The following XKR6 variants were observed in gnomAD, a reference collection of about 807,000 sequenced individuals.
XKR6 encodes XK-related protein 6.
XKR6 carries 22 observed loss-of-function variants against 56.7 expected under a neutral mutation model. The ratio of observed to expected loss-of-function variants is 0.39; its 90% confidence interval spans 0.28 to 0.55. The LOEUF is 0.55. Among genes scored for constraint, XKR6 ranks in the 20% least tolerant of loss-of-function variants. XKR6 has a pLI of 0.66. For synonymous variants in XKR6, 524 were observed against 387.8 expected, an observed-to-expected ratio of 1.35 and a Z score of -4.13; for missense variants, 852 against 889.0, an observed-to-expected ratio of 0.96 and a Z score of 0.53.
intron 1 of XKR6, among the ~76,000 whole-genome samples, chr8:11,099,769 C>A (rs761926838): frequency 2.6e-5 from 4 of 152,106 alleles, no homozygotes; most frequent in Non-Finnish European, 4.4e-5. Flanking sequence ...ATATATTTAG[C>A]GGAGGAGACA....
intron 1 of XKR6, among the ~76,000 whole-genome samples, chr8:11,107,018 C>G (rs954640013): frequency 6.6e-6 from 1 of 152,006 alleles, no homozygotes; most frequent in African/African-American, 2.4e-5. Flanking sequence ...AACTGAAAAC[C>G]TCCCATCCCC....
intron 1 of XKR6, chr8:11,107,993 T>G (rs1798745632): frequency 3.7e-5 from 12 of 320,906 alleles, no homozygotes; most frequent in South Asian, 3.1e-4. Flanking sequence ...ATATTAGAGT[T>G]TCTTCAGGCT....
intron 1 of XKR6, among the ~76,000 whole-genome samples, chr8:10,967,160 T>C (rs1406587080): frequency 2.0e-5 from 3 of 152,216 alleles, no homozygotes; most frequent in Non-Finnish European, 4.4e-5. Flanking sequence ...CTCCTGCCCA[T>C]ACTCACTGGC....
At chr8:10,936,162 C>T (rs978918705) in intron 1 of XKR6, among the ~76,000 whole-genome samples, 16 of 149,196 alleles carry the variant, frequency 1.1e-4, no homozygotes. Context: ...TAATGGCCTT[C>T]TTTGTCTCTT....
intron 1 of XKR6, among the ~76,000 whole-genome samples, chr8:11,076,661 C>T (rs766590599): frequency 3.9e-5 from 6 of 152,150 alleles, no homozygotes; most frequent in African/African-American, 9.7e-5. Flanking sequence ...GGGCAGGCCC[C>T]GAAGAAAGCC....
chr8:11,165,653 T>TA (rs1416313484), intron 1 of XKR6, among the ~76,000 whole-genome samples: 12 of 152,188 alleles, frequency 7.9e-5, no homozygotes, highest in African/African-American at 2.9e-4. Context: ...TATTAACTCT[T>TA]AGACTGTACT....
In XKR6 at chr8:10,956,926, A is replaced by C. The variant is rs989736034; in HGVS notation, c.765-32096T>G. Among the ~76,000 whole-genome samples, 19 of 152,244 alleles carry C rather than the reference A, an allele frequency of 1.2e-4. 1 individual carries two copies. Among genetic ancestry groups the C allele is most frequent in the African/African-American group, 4.6e-4 (19 of 41,550 alleles). On this transcript the variant is annotated intron_variant, in intron 1 of 2. Transcript: ENST00000416569. The stretch of plus-strand genomic sequence containing the variant: ...CCTGGCACCTTGCTTTTCTTACCCT[A>C]GTCCTGGCCTTGTCCATAACTCAGT...
intron 1 of XKR6, among the ~76,000 whole-genome samples, chr8:11,191,054 A>G (rs1803547330): frequency 6.6e-6 from 1 of 152,168 alleles, no homozygotes; most frequent in Non-Finnish European, 1.5e-5. Flanking sequence ...TCCAACAACT[A>G]AACTAGGACA....
chr8:10,905,031 C>T (rs911174705), intron 2 of XKR6, among the ~76,000 whole-genome samples: 16 of 152,142 alleles, frequency 1.1e-4, no homozygotes, highest in African/African-American at 3.4e-4. Context: ...TCCCCAGATC[C>T]CAGCTTCCTG....
chr8:11,038,588 G>C (rs1475580581), intron 1 of XKR6, among the ~76,000 whole-genome samples: 1 of 151,614 alleles, frequency 6.6e-6, no homozygotes, highest in Non-Finnish European at 1.5e-5. Flanking sequence ...AGGCTGGAGT[G>C]CAGTTGTATG....
At chr8:11,160,922 A>G (rs988376944) in intron 1 of XKR6, among the ~76,000 whole-genome samples, 1 of 151,256 alleles carries the variant, frequency 6.6e-6, no homozygotes, top group East Asian at 1.9e-4. Context: ...AAAAAAAAAA[A>G]AAAAAAAAAG....
chr8:11,108,781 C>G (rs1459348485), intron 1 of XKR6: 1 of 171,098 alleles, frequency 5.8e-6, no homozygotes, highest in Non-Finnish European at 1.2e-5. Flanking sequence ...AAAATGAAGA[C>G]GATCTTCTGG....
At chr8:11,073,337 T>C (rs1169422630) in intron 1 of XKR6, among the ~76,000 whole-genome samples, 1 of 152,098 alleles carries the variant, frequency 6.6e-6, no homozygotes, top group Non-Finnish European at 1.5e-5. Context: ...AGGAACTACA[T>C]TGGGTCTTTG....
At chr8:11,088,286 T>C (rs1399218945) in intron 1 of XKR6, among the ~76,000 whole-genome samples, 1 of 152,222 alleles carries the variant, frequency 6.6e-6, no homozygotes, top group Admixed American at 6.5e-5. Context: ...AAACCCAATC[T>C]GACATAAAAT....
At chr8:10,965,542 A>G (rs145358560) in intron 1 of XKR6, among the ~76,000 whole-genome samples, 2 of 152,358 alleles carry the variant, frequency 1.3e-5, no homozygotes, top group African/African-American at 4.8e-5. Flanking sequence ...CTCATCGTAC[A>G]TGAGCTGCTA....
At chr8:10,903,936 T>A (rs537398292) in intron 2 of XKR6, among the ~76,000 whole-genome samples, 2 of 152,296 alleles carry the variant, frequency 1.3e-5, no homozygotes, top group South Asian at 4.1e-4. Flanking sequence ...GTGGCTCACT[T>A]GGAGAATTTC....
intron 1 of XKR6, among the ~76,000 whole-genome samples, chr8:11,188,910 G>A (rs1803409163): frequency 6.6e-6 from 1 of 152,092 alleles, no homozygotes; most frequent in Non-Finnish European, 1.5e-5. Context: ...TTTCTAGGTG[G>A]AGTGCAAAGG....
intron 1 of XKR6, among the ~76,000 whole-genome samples, chr8:10,954,186 G>A (rs1378875206): frequency 5.9e-5 from 9 of 152,214 alleles, no homozygotes; most frequent in African/African-American, 2.2e-4. Context: ...ACATGGTAGT[G>A]GAACTGCTGG....
chr8:10,920,534 G>A (rs1376066189), intron 2 of XKR6, among the ~76,000 whole-genome samples: 1 of 152,228 alleles, frequency 6.6e-6, no homozygotes, highest in African/African-American at 2.4e-5. Context: ...CAACAGGTCT[G>A]TTCCAAGTCC....
Sources: gnomAD v4.1 joint callset for allele counts (sites outside exome capture counted in the v4.1 genomes callset) on GRCh38, gnomAD v4.1.1 for gene constraint, MANE v1.5 for transcripts, NCBI Gene and HGNC (gene_info 2026-07-23, HGNC 2026-07-21) for gene names.